Variants in UTRN observed in about 807,000 individuals in gnomAD.
The protein encoded by UTRN is dystrophin-related protein 1.
Under a neutral mutation model 463.9 loss-of-function variants are expected in UTRN, and 283 were observed. That is an observed-to-expected ratio of 0.61 (90% CI 0.55 to 0.67). UTRN has a LOEUF of 0.67. UTRN is among the 30% of genes least tolerant of loss of function. The probability of loss-of-function intolerance (pLI) is 0.00; values close to 1 mark genes in which losing one functional copy is unlikely to be tolerated. For missense variants in UTRN, 3,922 were observed against 4,084.3 expected, an observed-to-expected ratio of 0.96 and a Z score of 1.08; for synonymous variants, 1,442 against 1,431.5, an observed-to-expected ratio of 1.01 and a Z score of -0.17.
At chr6:144,590,109 C>T (rs974476688) in intron 51 of UTRN, among the ~76,000 whole-genome samples, 2 of 152,096 alleles carry the variant, frequency 1.3e-5, no homozygotes, top group Non-Finnish European at 2.9e-5. Flanking sequence ...AATCTGCCTG[C>T]CTCGGCCTTC....
Position 144,533,198 on chromosome 6 carries a change from A to G in UTRN, c.6171A>G (p.Lys2057=), listed in dbSNP as rs747510168. The G allele has an allele frequency of 1.9e-6, 3 of 1,614,168 alleles. No individual in the cohort carries two copies. Among genetic ancestry groups the G allele is most frequent in the South Asian group, 1.1e-5 (1 of 91,086 alleles). The change falls in exon 43 of 75, where the codon AAA becomes AAG. Residue 2057 remains lysine, a synonymous_variant. Transcript: ENST00000367545. ...SQADGSFLKE[K]LAGLNQRWDA... Reference sequence around the variant, plus strand: ...CAGATGGAAGCTTCTTGAAAGAAAAACTGGCAGGTTTAAACCAACGCTGGG... The same window carrying G: ...CAGATGGAAGCTTCTTGAAAGAAAAGCTGGCAGGTTTAAACCAACGCTGGG...
intron 41 of UTRN, among the ~76,000 whole-genome samples, chr6:144,524,566 T>G (rs1217826952): frequency 6.6e-6 from 1 of 152,200 alleles, no homozygotes; most frequent in African/African-American, 2.4e-5. Context: ...CTGAATTTAT[T>G]TACCAGTTCT....
At chr6:144,781,585 T>A (rs756203368) in intron 60 of UTRN, among the ~76,000 whole-genome samples, 2 of 152,038 alleles carry the variant, frequency 1.3e-5, no homozygotes, top group Non-Finnish European at 2.9e-5. Flanking sequence ...TGGAGTAGAT[T>A]GAGAGATTTA....
At chr6:144,294,945 TAGAA>T (rs2114517102) in intron 2 of UTRN, among the ~76,000 whole-genome samples, 1 of 152,298 alleles carries the variant, frequency 6.6e-6, no homozygotes, top group Admixed American at 6.5e-5. Context: ...GGGTGAGTGT[TAGAA>T]AGGAACTGGA....
rs529283906 is a variant in UTRN, at chr6:144,529,553, T to G, written c.5907-1499T>G. Among the ~76,000 whole-genome samples, 7 of 152,214 alleles carry G rather than the reference T, an allele frequency of 4.6e-5. 1 individual carries two copies. The highest frequency in any genetic ancestry group is 1.7e-4 in the African/African-American group (7 of 41,462). On this transcript the variant is annotated intron_variant, in intron 41 of 74. Coordinates refer to ENST00000367545, the MANE Select transcript of UTRN (RefSeq NM_007124.3). ...TCTTTAGATCTTTGGAACAGTCTTA[T>G]AGCATCTCGAATTTGGAAATTGTGA...
At chr6:144,505,283 T>C (rs915670371) in intron 34 of UTRN, among the ~76,000 whole-genome samples, 1 of 152,186 alleles carries the variant, frequency 6.6e-6, no homozygotes, top group African/African-American at 2.4e-5. Context: ...CTGCTCTTGG[T>C]TATTTCTGTC....
At chr6:144,351,710 A>G (rs533124385) in intron 2 of UTRN, among the ~76,000 whole-genome samples, 5 of 152,260 alleles carry the variant, frequency 3.3e-5, no homozygotes, top group Admixed American at 2.0e-4. Flanking sequence ...CAGAGAGGTT[A>G]TTTCTCCAAA....
rs76358842 is a variant in UTRN, at chr6:144,492,466, G to C, written c.4438-835G>C. 4.7e-3 allele frequency among the ~76,000 whole-genome samples: 719 copies of C among 152,286 alleles called. 6 individuals are homozygous for C. The highest frequency in any genetic ancestry group is 0.01 in the Middle Eastern group (3 of 294). ...TGACATGTCTTTGCTATTGTGTGTA[G>C]TGGTGTGATAAACACGGGAGTGCAT... On this transcript the variant is annotated intron_variant, in intron 32 of 74. Coordinates refer to ENST00000367545, the MANE Select transcript of UTRN (RefSeq NM_007124.3).
chr6:144,306,526 G>A (rs541334644), intron 2 of UTRN, among the ~76,000 whole-genome samples: 3 of 152,096 alleles, frequency 2.0e-5, no homozygotes, highest in African/African-American at 4.8e-5. Flanking sequence ...TTTAACACTC[G>A]CAAATGAAGC....
intron 65 of UTRN, among the ~76,000 whole-genome samples, chr6:144,819,297 A>T (rs1779353446): frequency 6.6e-6 from 1 of 152,236 alleles, no homozygotes; most frequent in Admixed American, 6.5e-5. Context: ...CTAGAAGCAG[A>T]CATGTTTTGA....
At chr6:144,483,601 C>T (rs1289859367) in intron 27 of UTRN, among the ~76,000 whole-genome samples, 1 of 152,128 alleles carries the variant, frequency 6.6e-6, no homozygotes, top group Non-Finnish European at 1.5e-5. Context: ...CAATGCCACA[C>T]CTGGCTAATT....
At chr6:144,362,559 C>A (rs898627017) in intron 2 of UTRN, among the ~76,000 whole-genome samples, 1 of 152,098 alleles carries the variant, frequency 6.6e-6, no homozygotes. Context: ...GAAAGTTCTT[C>A]TTTTGTTGTT....
intron 51 of UTRN, among the ~76,000 whole-genome samples, chr6:144,608,960 C>T (rs1205601652): frequency 1.3e-5 from 2 of 152,090 alleles, no homozygotes; most frequent in African/African-American, 4.8e-5. Flanking sequence ...GAAGACAGTA[C>T]AGAGGAAGAA....
Position 144,319,154 on chromosome 6 carries a change from T to C in UTRN, c.79+27247T>C, listed in dbSNP as rs180854584. On this transcript the variant is annotated intron_variant, in intron 2 of 74. Coordinates refer to ENST00000367545, the MANE Select transcript of UTRN (RefSeq NM_007124.3). ...TAATATTTAGTTAGGTTTTTTTTTTTCCTCATTATTCTTTCACATTTTTCC... is the reference window on the plus strand; with the variant it reads ...TAATATTTAGTTAGGTTTTTTTTTTCCCTCATTATTCTTTCACATTTTTCC... Among the ~76,000 whole-genome samples, 17 of 150,678 alleles carry C rather than the reference T, an allele frequency of 1.1e-4. No individual in the cohort carries two copies. The East Asian group carries it at 2.9e-3, about 26-fold the overall frequency.
At chr6:144,531,345 C>T (rs888777691) in intron 42 of UTRN, 143 bp downstream of exon 42, 46 of 910,348 alleles carry the variant, frequency 5.1e-5, no homozygotes, top group Non-Finnish European at 6.4e-5. Context: ...ATTCTTGTTA[C>T]CAGTTATAAA....
At chr6:144,740,277 G>T (rs9376847) in intron 54 of UTRN, among the ~76,000 whole-genome samples, 7 of 151,962 alleles carry the variant, frequency 4.6e-5, no homozygotes, top group Admixed American at 3.3e-4. Flanking sequence ...CATTTTCTTC[G>T]ATTTTAAAAT....
Position 144,440,378 on chromosome 6 carries a change from A to T in UTRN, c.1419A>T (p.Glu473Asp). 5.0e-5 allele frequency: 81 copies of T among 1,614,210 alleles called. No individual in the cohort carries two copies. Among genetic ancestry groups the T allele is most frequent in the Non-Finnish European group, 6.8e-5 (80 of 1,180,032 alleles). Reference protein sequence around the residue: ...HKSLQSDLEAEQVKVNSLTHM... With the variant: ...HKSLQSDLEADQVKVNSLTHM... Reference sequence around the variant, plus strand: ...GTTTGCAAAGTGATCTTGAGGCTGAACAGGTGAAAGTAAATTCACTAACTC... The same window carrying T: ...GTTTGCAAAGTGATCTTGAGGCTGATCAGGTGAAAGTAAATTCACTAACTC... Residue 473 changes from glutamate (E) to aspartate (D), a missense_variant, in exon 13 of 75, where the codon GAA becomes GAT. By Grantham distance (45) the Glu-to-Asp change is conservative. Coordinates refer to ENST00000367545, the MANE Select transcript of UTRN (RefSeq NM_007124.3).
intron 51 of UTRN, among the ~76,000 whole-genome samples, chr6:144,626,095 T>C (rs1775913502): frequency 6.6e-6 from 1 of 152,204 alleles, no homozygotes; most frequent in African/African-American, 2.4e-5. Context: ...AAAGCAAATA[T>C]GGACTTGTAT....
chr6:144,393,808 G>A (rs1042093854), intron 2 of UTRN, among the ~76,000 whole-genome samples: 4 of 152,136 alleles, frequency 2.6e-5, no homozygotes, highest in Non-Finnish European at 5.9e-5. Context: ...AAGAAGGCTT[G>A]GCAGATTTGT....
Sources: gnomAD v4.1 joint callset for allele counts (sites outside exome capture counted in the v4.1 genomes callset) on GRCh38, gnomAD v4.1.1 for gene constraint, MANE v1.5 for transcripts, NCBI Gene and HGNC (gene_info 2026-07-23, HGNC 2026-07-21) for gene names.